DMD: variants seen among roughly 807,000 people sequenced by gnomAD.
DMD encodes dystrophin.
In DMD, 63 loss-of-function variants were observed where a neutral mutation model predicts 330.1. That is an observed-to-expected ratio of 0.19 (90% CI 0.16 to 0.24). DMD has a LOEUF of 0.24. Among genes scored for constraint, DMD ranks in the 10% least tolerant of loss-of-function variants. DMD has a pLI of 1.00. For synonymous variants in DMD, 1,223 were observed against 959.8 expected (o/e 1.27, Z -5.07); for missense variants, 3,344 against 2,684.1 (o/e 1.25, Z -5.43).
Position 32,485,183 on chromosome X carries a change from A to G in DMD, c.2623-84T>C, listed in dbSNP as rs981580301. ...CAAAAGAAGGTATTAAAAAGCAGTA[A>G]GGCAAGTTTAGCTTAATACCCTTCA... On this transcript the variant is annotated intron_variant, in intron 20 of 78. Coordinates refer to ENST00000357033, the MANE Select transcript of DMD (RefSeq NM_004006.3). 6 of 939,726 alleles carry G rather than the reference A, an allele frequency of 6.4e-6. No individual in the cohort carries two copies. In the African/African-American group the frequency reaches 9.6e-5, roughly 15 times the overall value. 77.4% of individuals were successfully genotyped at this position (939,726 alleles called of 1,213,427 possible). A position where few individuals can be genotyped will look rare whatever the true frequency, so the allele number is the denominator to read the frequency against.
intron 26 of DMD, among the ~76,000 whole-genome samples, chrX:32,453,638 T>C (rs1006673635): frequency 9.0e-6 from 1 of 110,831 alleles, no homozygotes; most frequent in Non-Finnish European, 1.9e-5. Context: ...GGCATTGTGT[T>C]AGAAATTTCA....
At chrX:32,430,196 T>C (rs2098232406) in intron 29 of DMD, among the ~76,000 whole-genome samples, 1 of 111,757 alleles carries the variant, frequency 8.9e-6, no homozygotes, top group South Asian at 3.7e-4. Context: ...TTTAATTGCT[T>C]TGTAGGTTAT....
chrX:32,696,291 T>C (rs2063649554), intron 9 of DMD, among the ~76,000 whole-genome samples: 1 of 112,106 alleles, frequency 8.9e-6, no homozygotes, highest in Admixed American at 9.5e-5. Context: ...AATTAAGGCA[T>C]ACACTTATCA....
chrX:32,474,765 G>C (rs2041049686), intron 21 of DMD, among the ~76,000 whole-genome samples: 1 of 111,643 alleles, frequency 9.0e-6, no homozygotes, highest in African/African-American at 3.3e-5. Flanking sequence ...TCCTTTGTCA[G>C]ATGTATAGAT....
At chrX:33,275,637 G>A (rs914543168) in intron 1 of DMD, among the ~76,000 whole-genome samples, 1 of 111,380 alleles carries the variant, frequency 9.0e-6, no homozygotes, top group African/African-American at 3.3e-5. Flanking sequence ...TTGCTATTTA[G>A]GAAGTGTTCC....
At chrX:32,459,032 C>G (rs904618463) in intron 25 of DMD, among the ~76,000 whole-genome samples, 1 of 110,376 alleles carries the variant, frequency 9.1e-6, no homozygotes, top group South Asian at 3.8e-4. Context: ...AAAATGATGC[C>G]CAAAGGATAC....
At chrX:31,907,969 C>T (rs774571571) in intron 47 of DMD, among the ~76,000 whole-genome samples, 2 of 112,559 alleles carry the variant, frequency 1.8e-5, no homozygotes, top group South Asian at 7.3e-4. Flanking sequence ...AAAAAATGCT[C>T]ATCATCACTG....
At chrX:32,191,460 AG>A (rs1192761906) in intron 44 of DMD, among the ~76,000 whole-genome samples, 1 of 111,989 alleles carries the variant, frequency 8.9e-6, no homozygotes, top group Non-Finnish European at 1.9e-5. Flanking sequence ...AGGAACAGCG[AG>A]AATAAGGGGA....
intron 60 of DMD, among the ~76,000 whole-genome samples, chrX:31,362,116 A>C (rs1274084987): frequency 8.9e-6 from 1 of 112,314 alleles, no homozygotes; most frequent in African/African-American, 3.2e-5. Context: ...GGTTAGGTGA[A>C]TATAGATGAT....
Position 32,485,113 on chromosome X carries a change from T to C in DMD, c.2623-14A>G, listed in dbSNP as rs369130309. On this transcript the variant is annotated splice_polypyrimidine_tract_variant and intron_variant, in intron 20 of 78. Coordinates refer to ENST00000357033, the MANE Select transcript of DMD (RefSeq NM_004006.3). ...GTTGACTTCATCCTGTGCCATAGAG[T>C]ATGGAAAGTAAGTAACACGTTTACT... is the stretch of plus-strand genomic sequence containing the variant. The C allele has an allele frequency of 1.1e-5, 13 of 1,198,474 alleles. No homozygotes were observed. The African/African-American group carries it at 1.8e-4, about 16-fold the overall frequency.
intron 60 of DMD, among the ~76,000 whole-genome samples, chrX:31,441,968 T>A (rs978124450): frequency 5.3e-5 from 6 of 112,258 alleles, no homozygotes; most frequent in Non-Finnish European, 9.4e-5. Flanking sequence ...AGCATATCTT[T>A]AAGGTCATGT....
At chrX:32,949,964 G>GAAAAATAAA (rs2091125660) in intron 2 of DMD, among the ~76,000 whole-genome samples, 1 of 60,121 alleles carries the variant, frequency 1.7e-5, no homozygotes, top group Non-Finnish European at 3.0e-5. Context: ...AGGTGCAGAG[G>GAAAAATAAA]CAAAAAAAAA....
At chrX:31,688,294 C>T (rs1010443012) in intron 52 of DMD, among the ~76,000 whole-genome samples, 20 of 110,553 alleles carry the variant, frequency 1.8e-4, no homozygotes, top group Non-Finnish European at 3.2e-4. Context: ...GATATCACCA[C>T]CGACACCACA....
At chrX:32,291,961 T>A (rs1436716659) in intron 42 of DMD, among the ~76,000 whole-genome samples, 1 of 111,594 alleles carries the variant, frequency 9.0e-6, no homozygotes, top group Non-Finnish European at 1.9e-5. Context: ...CTGGAGAGAT[T>A]TAAAAACTTT....
At chrX:31,623,424 C>T (rs937925264) in intron 55 of DMD, among the ~76,000 whole-genome samples, 18 of 110,689 alleles carry the variant, frequency 1.6e-4, no homozygotes, top group Admixed American at 1.2e-3. Context: ...CCACCACACC[C>T]GGCTAATTTT....
At position 32,380,663 on chromosome X, in the gene DMD, T is replaced by C. The variant is rs777776824; in HGVS notation, c.4692A>G (p.Gln1564=). The C allele has an allele frequency of 9.9e-6, 12 of 1,207,467 alleles. No individual in the cohort carries two copies. The highest frequency in any genetic ancestry group is 1.3e-5 in the Non-Finnish European group (12 of 893,758). ...ELGAKVTERK[Q]QLEKCLKLSR... ...ACAATTTCAAGCATTTCTCCAACTG[T>C]TGCTTTCTTTCTGTTACCTGAAAAG... Residue 1564 remains glutamine, a synonymous_variant, in exon 34 of 79, where the codon CAA becomes CAG. Transcript: ENST00000357033.
At chrX:32,221,482 G>C (rs1179970501) in intron 43 of DMD, among the ~76,000 whole-genome samples, 1 of 111,243 alleles carries the variant, frequency 9.0e-6, no homozygotes. Flanking sequence ...TACCTCCTAA[G>C]GTTAATTGTG....
At chrX:32,938,213 C>CT (rs1174153564) in intron 2 of DMD, among the ~76,000 whole-genome samples, 3 of 111,408 alleles carry the variant, frequency 2.7e-5, no homozygotes, top group African/African-American at 9.8e-5. Context: ...AAAGGAAACT[C>CT]TAAGATGCCT....
intron 24 of DMD, among the ~76,000 whole-genome samples, chrX:32,464,276 C>T (rs1333848054): frequency 1.8e-5 from 2 of 111,156 alleles, no homozygotes; most frequent in Admixed American, 9.6e-5. Flanking sequence ...GTCAGTTCCT[C>T]ATTTACTCAA....
Sources: allele counts gnomAD v4.1 joint callset (sites outside exome capture counted in the v4.1 genomes callset), GRCh38; gene constraint gnomAD v4.1.1; transcripts MANE v1.5; gene names NCBI Gene and HGNC (gene_info 2026-07-23, HGNC 2026-07-21).